The following NCAM1 variants were observed in gnomAD, a reference collection of about 807,000 sequenced individuals.
NCAM1 encodes neural cell adhesion molecule 1.
Under a neutral mutation model 109.8 loss-of-function variants are expected in NCAM1, and 14 were observed. That is an observed-to-expected ratio of 0.13 (90% CI 0.08 to 0.20). NCAM1 has a LOEUF of 0.20. Among genes scored for constraint, NCAM1 ranks in the 10% least tolerant of loss-of-function variants. The pLI is 1.00. For missense variants in NCAM1, 774 were observed against 1,109.9 expected (o/e 0.70, Z 4.30); for synonymous variants, 418 against 442.9 (o/e 0.94, Z 0.70).
At chr11:113,008,496 T>A (rs1212352361) in intron 1 of NCAM1, among the ~76,000 whole-genome samples, 1 of 152,228 alleles carries the variant, frequency 6.6e-6, no homozygotes. Context: ...TTTTATTTCC[T>A]GCAAAACTCT....
Position 113,200,618 on chromosome 11 carries a change from T to C in NCAM1, c.53-1761T>C, listed in dbSNP as rs188615476. The stretch of plus-strand genomic sequence containing the variant: ...GACCATAGGAAAGTCACTCCACCTT[T>C]TCCTCATCTGGAAAATGAGGAGGCA... On this transcript the variant is annotated intron_variant, in intron 1 of 19. Transcript: ENST00000316851. 2.3e-3 allele frequency among the ~76,000 whole-genome samples: 354 copies of C among 152,272 alleles called. 10 individuals carry two copies. The highest frequency in any genetic ancestry group is 0.022 in the South Asian group (105 of 4,820).
chr11:113,213,878 C>T (rs1944455129), intron 7 of NCAM1, among the ~76,000 whole-genome samples: 1 of 152,234 alleles, frequency 6.6e-6, no homozygotes, highest in South Asian at 2.1e-4. Flanking sequence ...TGTGGGCCTC[C>T]ACCAGGCACC....
At chr11:113,078,969 G>A (rs1340849927) in intron 1 of NCAM1, among the ~76,000 whole-genome samples, 6 of 152,152 alleles carry the variant, frequency 3.9e-5, no homozygotes, top group Non-Finnish European at 7.3e-5. Context: ...CCTCCGAGCC[G>A]GGCTGGCTAC....
intron 1 of NCAM1, among the ~76,000 whole-genome samples, chr11:113,044,221 ACTT>A (rs1411235590): frequency 6.6e-6 from 1 of 150,608 alleles, no homozygotes; most frequent in Non-Finnish European, 1.5e-5. Context: ...TGGACCCATA[ACTT>A]CTTCTGGGCA....
At position 113,070,568 on chromosome 11, in the gene NCAM1, G is replaced by A. The variant is rs188080168; in HGVS notation, c.52+108904G>A. Reference sequence around the variant, plus strand: ...GGAGAGAGAAATGATGGACGGGATCGCAGAGGAAGACAGGAGGAGATGAAG... The same window carrying A: ...GGAGAGAGAAATGATGGACGGGATCACAGAGGAAGACAGGAGGAGATGAAG... On this transcript the variant is annotated intron_variant, in intron 1 of 19. Transcript: ENST00000316851. 5.7e-4 allele frequency among the ~76,000 whole-genome samples: 87 copies of A among 152,254 alleles called. 1 individual carries two copies. In the East Asian group the frequency reaches 0.012, roughly 21 times the overall value.
chr11:113,192,646 G>A (rs1276180322), intron 1 of NCAM1, among the ~76,000 whole-genome samples: 2 of 152,126 alleles, frequency 1.3e-5, no homozygotes, highest in Non-Finnish European at 2.9e-5. Context: ...AGGCAAAGAG[G>A]AAACAGTTGA....
At chr11:113,156,284 G>C (rs2136310701) in intron 1 of NCAM1, among the ~76,000 whole-genome samples, 1 of 152,276 alleles carries the variant, frequency 6.6e-6, no homozygotes, top group Middle Eastern at 3.4e-3. Context: ...GAGATATTGG[G>C]TTCTGTGTGG....
At chr11:113,185,686 T>C (rs1490748444) in intron 1 of NCAM1, among the ~76,000 whole-genome samples, 4 of 152,214 alleles carry the variant, frequency 2.6e-5, no homozygotes, top group Non-Finnish European at 5.9e-5. Context: ...AACATTAGAA[T>C]GATTGTAAAA....
At chr11:113,038,485 G>T (rs781876714) in intron 1 of NCAM1, among the ~76,000 whole-genome samples, 1 of 151,996 alleles carries the variant, frequency 6.6e-6, no homozygotes, top group Admixed American at 6.5e-5. Context: ...TTTTATTCTC[G>T]TCTTATCTCC....
chr11:113,079,421 C>G (rs1377118172), intron 1 of NCAM1, among the ~76,000 whole-genome samples: 1 of 152,142 alleles, frequency 6.6e-6, no homozygotes, highest in African/African-American at 2.4e-5. Flanking sequence ...TCTGTCCCAG[C>G]TTTTATAAGC....
chr11:112,982,453 G>A (rs1555068909), intron 1 of NCAM1, among the ~76,000 whole-genome samples: 2 of 151,898 alleles, frequency 1.3e-5, no homozygotes, highest in African/African-American at 4.8e-5. Context: ...TGACTTGATG[G>A]GAGCATGTTT....
chr11:113,206,695 T>C (rs1478153343), intron 5 of NCAM1, among the ~76,000 whole-genome samples: 8 of 152,250 alleles, frequency 5.3e-5, no homozygotes, highest in African/African-American at 1.9e-4. Flanking sequence ...TAAATCAGGG[T>C]TGAATTGTTT....
intron 9 of NCAM1, among the ~76,000 whole-genome samples, chr11:113,229,487 A>C (rs1191764620): frequency 2.0e-5 from 3 of 152,212 alleles, no homozygotes; most frequent in African/African-American, 7.2e-5. Context: ...TGTTGGTGGG[A>C]CTGTAAACTA....
intron 14 of NCAM1, among the ~76,000 whole-genome samples, chr11:113,241,571 C>T (rs922771085): frequency 3.3e-5 from 5 of 152,198 alleles, no homozygotes; most frequent in African/African-American, 1.2e-4. Flanking sequence ...GTCAGCTGGT[C>T]GCTCTCAGAT....
chr11:112,975,738 T>C lies in NCAM1; in HGVS notation c.52+14074T>C, dbSNP rs185349825. Among the ~76,000 whole-genome samples, 115 of 152,116 alleles carry C rather than the reference T, an allele frequency of 7.6e-4. 1 individual carries two copies. Among genetic ancestry groups the C allele is most frequent in the Non-Finnish European group, 1.4e-3 (98 of 67,904 alleles). ...CATTTGAGGTCATTTTGAACTAAATTGGCTTTGGAATCAGAATTTAAATTA... is the reference window on the plus strand; with the variant it reads ...CATTTGAGGTCATTTTGAACTAAATCGGCTTTGGAATCAGAATTTAAATTA... On this transcript the variant is annotated intron_variant, in intron 1 of 19. Transcript: ENST00000316851.
At chr11:113,160,103 A>G (rs2136341523) in intron 1 of NCAM1, among the ~76,000 whole-genome samples, 1 of 152,152 alleles carries the variant, frequency 6.6e-6, no homozygotes, top group South Asian at 2.1e-4. Context: ...CCATGCCTGG[A>G]GAGACTGTGG....
intron 9 of NCAM1, among the ~76,000 whole-genome samples, chr11:113,223,254 G>A (rs923195226): frequency 6.6e-6 from 1 of 152,080 alleles, no homozygotes; most frequent in South Asian, 2.1e-4. Context: ...GCATTTCAGG[G>A]GAAGATAGTC....
At chr11:113,173,047 C>T (rs1304687247) in intron 1 of NCAM1, among the ~76,000 whole-genome samples, 6 of 152,132 alleles carry the variant, frequency 3.9e-5, no homozygotes, top group Admixed American at 3.9e-4. Flanking sequence ...AAGTAATAGG[C>T]AATTTTATAC....
chr11:113,054,428 C>T (rs1294360118), intron 1 of NCAM1, among the ~76,000 whole-genome samples: 1 of 152,172 alleles, frequency 6.6e-6, no homozygotes, highest in East Asian at 1.9e-4. Flanking sequence ...CTCTTTAGAA[C>T]CTGGTCCTCC....
Sources: allele counts gnomAD v4.1 joint callset (sites outside exome capture counted in the v4.1 genomes callset), GRCh38; gene constraint gnomAD v4.1.1; transcripts MANE v1.5; gene names NCBI Gene and HGNC (gene_info 2026-07-23, HGNC 2026-07-21).